SLC39A11: variants seen among roughly 807,000 people sequenced by gnomAD.
SLC39A11 encodes the protein zinc transporter ZIP11.
In SLC39A11, 33 loss-of-function variants were observed where a neutral mutation model predicts 36.1. The ratio of observed to expected loss-of-function variants is 0.91; its 90% confidence interval spans 0.69 to 1.22. The LOEUF is 1.22. Ranked by LOEUF, SLC39A11 falls within the 50% of genes most tolerant of loss-of-function variation. The pLI is 0.00. For synonymous variants in SLC39A11, 166 were observed against 170.3 expected, an observed-to-expected ratio of 0.97 and a Z score of 0.20; for missense variants, 432 against 430.3, an observed-to-expected ratio of 1.00 and a Z score of -0.03.
chr17:72,817,102 AATAC>A (rs35106903), intron 6 of SLC39A11, among the ~76,000 whole-genome samples: 91,628 of 151,408 alleles, frequency 0.61, 28,152 homozygotes, highest in Middle Eastern at 0.69. Flanking sequence ...GATATAAAGG[AATAC>A]ATACCCCAGG....
chr17:72,939,731 A>T (rs2084979399), intron 5 of SLC39A11, among the ~76,000 whole-genome samples: 1 of 152,154 alleles, frequency 6.6e-6, no homozygotes, highest in South Asian at 2.1e-4. Flanking sequence ...TTTTCGAGAG[A>T]GTGTGGCCCT....
At chr17:72,756,191 G>C (rs899868784) in intron 6 of SLC39A11, among the ~76,000 whole-genome samples, 1 of 152,176 alleles carries the variant, frequency 6.6e-6, no homozygotes, top group Non-Finnish European at 1.5e-5. Context: ...TAGCAGTTGT[G>C]ACGTTCCTGA....
intron 4 of SLC39A11, among the ~76,000 whole-genome samples, chr17:72,966,373 G>A (rs1022712844): frequency 3.3e-5 from 5 of 152,108 alleles, no homozygotes; most frequent in South Asian, 2.1e-4. Context: ...AATTACTACC[G>A]CCCCCCACAG....
chr17:72,953,695 C>G (rs890381270), intron 4 of SLC39A11, among the ~76,000 whole-genome samples: 3 of 152,214 alleles, frequency 2.0e-5, no homozygotes, highest in African/African-American at 7.2e-5. Context: ...AACCGCAGAC[C>G]CTGCAGCCCT....
intron 5 of SLC39A11, among the ~76,000 whole-genome samples, chr17:72,910,782 C>T (rs1037828733): frequency 6.6e-6 from 1 of 151,102 alleles, no homozygotes; most frequent in African/African-American, 2.4e-5. Flanking sequence ...TAAAAAATAG[C>T]CGGGCGTGAT....
intron 3 of SLC39A11, among the ~76,000 whole-genome samples, chr17:73,073,368 T>C (rs923661055): frequency 6.6e-6 from 1 of 152,018 alleles, no homozygotes; most frequent in Non-Finnish European, 1.5e-5. Context: ...GAATAATGGT[T>C]AGAGAGGGAC....
chr17:72,823,471 A>G (rs957554783), intron 6 of SLC39A11: 8 of 151,294 alleles, frequency 5.3e-5, no homozygotes, highest in African/African-American at 1.9e-4. Context: ...AAGTGGCACA[A>G]ATTCACAGAC....
intron 5 of SLC39A11, among the ~76,000 whole-genome samples, chr17:72,932,315 T>TATTATTATTATTATTATTATTATAA: frequency 6.6e-6 from 1 of 151,930 alleles, no homozygotes; most frequent in African/African-American, 2.4e-5. Flanking sequence ...TTATTATACT[T>TATTATTATTATTATTATTATTATAA]TAAGTTCTGG....
chr17:72,918,252 T>C (rs902904718), intron 5 of SLC39A11, among the ~76,000 whole-genome samples: 3 of 152,006 alleles, frequency 2.0e-5, no homozygotes, highest in African/African-American at 7.3e-5. Flanking sequence ...CTACCAAAAA[T>C]ATAAAAATTA....
chr17:72,776,668 G>A (rs2076145771), intron 6 of SLC39A11, among the ~76,000 whole-genome samples: 1 of 149,758 alleles, frequency 6.7e-6, no homozygotes, highest in Non-Finnish European at 1.5e-5. Context: ...GCTAGACAGA[G>A]GAAGAGAGAG....
At chr17:72,810,084 CA>C (rs10708067) in intron 6 of SLC39A11, among the ~76,000 whole-genome samples, 96,516 of 136,668 alleles carry the variant, frequency 0.71, 33,132 homozygotes, top group South Asian at 0.79. Flanking sequence ...ACAAAAACAA[CA>C]AAAAAAAAAA....
In SLC39A11 at chr17:73,088,829, C is replaced by A. The variant is rs558605955; in HGVS notation, c.-11-54G>T. The A allele has an allele frequency of 1.7e-5, 23 of 1,341,818 alleles. No individual in the cohort carries two copies. The Admixed American group carries it at 2.0e-4, about 12-fold the overall frequency. The allele number at this position is 1,341,818 out of a possible 1,614,324, so 83.1% of individuals were successfully genotyped here. A position where few individuals can be genotyped will look rare whatever the true frequency, so the allele number is the denominator to read the frequency against. ...ACCGGTGGTCCGTTTCAGTGACAGGCGCATATTCTGACGGGTCCTAACACC... is the reference window on the plus strand; with the variant it reads ...ACCGGTGGTCCGTTTCAGTGACAGGAGCATATTCTGACGGGTCCTAACACC... On this transcript the variant is annotated intron_variant, in intron 1 of 9. Transcript: ENST00000255559.
At chr17:72,651,255 G>C (rs1209354788) in intron 7 of SLC39A11, among the ~76,000 whole-genome samples, 1 of 152,184 alleles carries the variant, frequency 6.6e-6, no homozygotes, top group Non-Finnish European at 1.5e-5. Flanking sequence ...GCCCCTGTGT[G>C]CAACAGCGTT....
At chr17:73,058,582 G>A (rs1023545595) in intron 3 of SLC39A11, among the ~76,000 whole-genome samples, 1 of 152,154 alleles carries the variant, frequency 6.6e-6, no homozygotes, top group Non-Finnish European at 1.5e-5. Context: ...AATTAGCCAG[G>A]CATGGTAGCA....
At chr17:72,725,804 G>A (rs2073905399) in intron 7 of SLC39A11, among the ~76,000 whole-genome samples, 1 of 152,210 alleles carries the variant, frequency 6.6e-6, no homozygotes, top group African/African-American at 2.4e-5. Context: ...ATTCCAGACA[G>A]GGTAGTGTGA....
chr17:72,813,287 A>G (rs181608819), intron 6 of SLC39A11, among the ~76,000 whole-genome samples: 66 of 152,196 alleles, frequency 4.3e-4, no homozygotes, highest in African/African-American at 1.5e-3. Context: ...TCTGGTCCCC[A>G]TTGTCAGATT....
intron 5 of SLC39A11, among the ~76,000 whole-genome samples, chr17:72,886,259 A>G (rs994606037): frequency 3.3e-5 from 5 of 152,120 alleles, no homozygotes; most frequent in Admixed American, 2.6e-4. Context: ...TCCCAAATTT[A>G]TATCTCCAAC....
chr17:73,070,154 CT>C (rs947620279), intron 3 of SLC39A11, among the ~76,000 whole-genome samples: 5 of 152,222 alleles, frequency 3.3e-5, no homozygotes, highest in African/African-American at 1.2e-4. Flanking sequence ...TGCCTGCCCT[CT>C]TTCTTTTATG....
intron 5 of SLC39A11, among the ~76,000 whole-genome samples, chr17:72,869,114 AATAAGGCTCAGGCATG>A (rs1598196626): frequency 6.6e-6 from 1 of 152,220 alleles, no homozygotes; most frequent in African/African-American, 2.4e-5. Context: ...TTCTTCTGGG[AATAAGGCTCAGGCATG>A]AGCCTTTGAA....
Sources: gnomAD v4.1 joint callset for allele counts (sites outside exome capture counted in the v4.1 genomes callset) on GRCh38, gnomAD v4.1.1 for gene constraint, MANE v1.5 for transcripts, NCBI Gene and HGNC (gene_info 2026-07-23, HGNC 2026-07-21) for gene names.